The following COL25A1 variants were observed in gnomAD, a reference collection of about 807,000 sequenced individuals.
COL25A1 encodes collagen type XXV alpha 1 chain.
COL25A1 carries 103 observed loss-of-function variants against 128.4 expected under a neutral mutation model. That is an observed-to-expected ratio of 0.80 (90% confidence interval 0.68 to 0.94). The LOEUF is 0.94. COL25A1 is among the 40% of genes least tolerant of loss of function. COL25A1 has a pLI of 0.00. For missense variants in COL25A1, 745 were observed against 840.0 expected (o/e 0.89, Z 1.40); for synonymous variants, 279 against 277.2 (o/e 1.01, Z -0.06).
At position 108,853,529 on chromosome 4, in the gene COL25A1, T is replaced by TGA. The variant is rs1177605777; in HGVS notation, c.1321-605_1321-604insTC. The stretch of plus-strand genomic sequence containing the variant: ...TTTTAAAATTTATTGATTGATTGAT[T>TGA]TATTATACTTAAGTTCTGGGATACA... On this transcript the variant is annotated intron_variant, in intron 24 of 37. Transcript: ENST00000399132. Among the ~76,000 whole-genome samples, 1,402 of 152,122 alleles carry TGA rather than the reference T, an allele frequency of 9.2e-3. 23 individuals are homozygous for TGA. The highest frequency in any genetic ancestry group is 0.032 in the African/African-American group (1,342 of 41,508).
intron 3 of COL25A1, among the ~76,000 whole-genome samples, chr4:109,156,002 G>A (rs1427775574): frequency 1.3e-5 from 2 of 152,178 alleles, no homozygotes; most frequent in Non-Finnish European, 2.9e-5. Context: ...ATTTGTCAAA[G>A]GACTGTAGGA....
chr4:109,118,117 A>G (rs1318829178), intron 3 of COL25A1, among the ~76,000 whole-genome samples: 2 of 151,862 alleles, frequency 1.3e-5, no homozygotes, highest in Admixed American at 1.3e-4. Flanking sequence ...ATTAAAATAC[A>G]GAAATTATCA....
intron 3 of COL25A1, among the ~76,000 whole-genome samples, chr4:109,267,275 T>G (rs541210145): frequency 2.0e-5 from 3 of 152,222 alleles, no homozygotes; most frequent in African/African-American, 7.2e-5. Context: ...TTCCCATAAC[T>G]GGCAAAATTT....
intron 6 of COL25A1, among the ~76,000 whole-genome samples, chr4:109,004,685 C>T (rs1485810691): frequency 6.6e-6 from 1 of 152,030 alleles, no homozygotes; most frequent in African/African-American, 2.4e-5. Context: ...CTCTCTCTCT[C>T]CTGCTTTTGC....
At chr4:108,906,744 T>C (rs569246031) in intron 13 of COL25A1, among the ~76,000 whole-genome samples, 1 of 152,314 alleles carries the variant, frequency 6.6e-6, no homozygotes, top group South Asian at 2.1e-4. Context: ...CACATCCCCA[T>C]CACCACTAGT....
intron 3 of COL25A1, among the ~76,000 whole-genome samples, chr4:109,279,717 G>C (rs1401146992): frequency 6.6e-6 from 1 of 152,138 alleles, no homozygotes; most frequent in East Asian, 1.9e-4. Flanking sequence ...GTGTTGAAAA[G>C]CTTTTATCAA....
At chr4:108,999,342 G>T (rs1218512642) in intron 6 of COL25A1, among the ~76,000 whole-genome samples, 1 of 152,184 alleles carries the variant, frequency 6.6e-6, no homozygotes, top group Non-Finnish European at 1.5e-5. Flanking sequence ...AGACATTTAT[G>T]CAGCCAACAG....
chr4:109,004,054 CT>C (rs1036775804), intron 6 of COL25A1, among the ~76,000 whole-genome samples: 47 of 152,186 alleles, frequency 3.1e-4, no homozygotes, highest in African/African-American at 1.1e-3. Flanking sequence ...GTGAGAATTG[CT>C]TTTTTAATTT....
chr4:108,824,520 A>G (rs540843181), intron 34 of COL25A1, among the ~76,000 whole-genome samples: 66 of 152,330 alleles, frequency 4.3e-4, no homozygotes, highest in African/African-American at 1.5e-3. Flanking sequence ...GATTTGGGCA[A>G]ATCACTTACC....
chr4:109,119,952 T>C (rs1005142211), intron 3 of COL25A1, among the ~76,000 whole-genome samples: 2 of 152,098 alleles, frequency 1.3e-5, no homozygotes, highest in Non-Finnish European at 2.9e-5. Context: ...AACTAGAAGT[T>C]ATCCCCAGTA....
At chr4:109,112,248 TC>T (rs1368382071) in intron 3 of COL25A1, among the ~76,000 whole-genome samples, 2 of 152,048 alleles carry the variant, frequency 1.3e-5, no homozygotes, top group African/African-American at 4.8e-5. Context: ...GTAAGATTCC[TC>T]CCCCACTCAA....
intron 5 of COL25A1, among the ~76,000 whole-genome samples, chr4:109,043,502 T>G (rs1047202513): frequency 2.4e-4 from 36 of 152,118 alleles, no homozygotes; most frequent in African/African-American, 8.7e-4. Context: ...CAGAGAGTTC[T>G]CCACGACCAA....
chr4:109,201,174 T>C lies in COL25A1; in HGVS notation c.367+99409A>G, dbSNP rs142514519. On this transcript the variant is annotated intron_variant, in intron 3 of 37. Transcript: ENST00000399132. ...GTACTAACTTAACACAAGACTGCTA[T>C]GAAAATATGAAGAAGGCTATCTTTT... Among the ~76,000 whole-genome samples, 546 of 152,290 alleles carry C rather than the reference T, an allele frequency of 3.6e-3. 1 individual carries two copies. The highest frequency in any genetic ancestry group is 0.012 in the African/African-American group (500 of 41,552).
chr4:109,214,659 G>C (rs901899147), intron 3 of COL25A1, among the ~76,000 whole-genome samples: 1 of 151,998 alleles, frequency 6.6e-6, no homozygotes, highest in Non-Finnish European at 1.5e-5. Context: ...CAGGGGCCAA[G>C]TGGAGAAAAA....
chr4:109,161,153 T>A (rs1239875725), intron 3 of COL25A1, among the ~76,000 whole-genome samples: 1 of 152,084 alleles, frequency 6.6e-6, no homozygotes, highest in Non-Finnish European at 1.5e-5. Context: ...TTCAACTACA[T>A]CATGATCTAG....
intron 3 of COL25A1, among the ~76,000 whole-genome samples, chr4:109,139,175 G>GT (rs1281701220): frequency 6.7e-6 from 1 of 148,722 alleles, no homozygotes; most frequent in Non-Finnish European, 1.5e-5. Context: ...TTTTGAAGGG[G>GT]TTGTTTTTTC....
chr4:109,050,990 T>C (rs1056208443), intron 3 of COL25A1, among the ~76,000 whole-genome samples: 2 of 152,122 alleles, frequency 1.3e-5, no homozygotes, highest in East Asian at 1.9e-4. Context: ...TTCTCAATTA[T>C]ATAATTTCTG....
chr4:108,993,952 A>G lies in COL25A1; in HGVS notation c.438+16406T>C, dbSNP rs1754489327. Among the ~76,000 whole-genome samples, 2 of 152,128 alleles carry G rather than the reference A, an allele frequency of 1.3e-5. 1 individual carries two copies. Among genetic ancestry groups the G allele is most frequent in the South Asian group, 4.1e-4 (2 of 4,832 alleles). On this transcript the variant is annotated intron_variant, in intron 6 of 37. Coordinates refer to ENST00000399132, the MANE Select transcript of COL25A1 (RefSeq NM_198721.4). ...GCCTTTGAAGATCAGAAAATCTATC[A>G]CGAAAGAGAGAAAAGAGGCAGAGGG...
At chr4:109,044,074 G>A (rs1385716938) in intron 5 of COL25A1, among the ~76,000 whole-genome samples, 1 of 150,594 alleles carries the variant, frequency 6.6e-6, no homozygotes, top group African/African-American at 2.5e-5. Context: ...ATTTTTAGCA[G>A]AGACTCCTCT....
Sources: gnomAD v4.1 joint callset for allele counts (sites outside exome capture counted in the v4.1 genomes callset) on GRCh38, gnomAD v4.1.1 for gene constraint, MANE v1.5 for transcripts, NCBI Gene and HGNC (gene_info 2026-07-23, HGNC 2026-07-21) for gene names.